CDC25A: variants seen among roughly 807,000 people sequenced by gnomAD.
The protein encoded by CDC25A is M-phase inducer phosphatase 1.
Under a neutral mutation model 64.6 loss-of-function variants are expected in CDC25A, and 17 were observed. The observed-to-expected ratio is 0.26, with a 90% CI of 0.18 to 0.39. CDC25A has a LOEUF of 0.39. Ranked by LOEUF, CDC25A falls within the 10% of genes least tolerant of loss-of-function variation. CDC25A has a pLI of 1.00. For synonymous variants in CDC25A, 229 were observed against 238.6 expected (o/e 0.96, Z 0.37); for missense variants, 473 against 654.8 (o/e 0.72, Z 3.03).
At chr3:48,168,589 T>C (rs929552423) in intron 9 of CDC25A, among the ~76,000 whole-genome samples, 1 of 150,194 alleles carries the variant, frequency 6.7e-6, no homozygotes, top group Admixed American at 6.7e-5. Context: ...GGGTTAAAAC[T>C]AGGATTAAGT....
chr3:48,172,541 T>C (rs1371838883), intron 9 of CDC25A, among the ~76,000 whole-genome samples: 6 of 152,130 alleles, frequency 3.9e-5, no homozygotes, highest in African/African-American at 7.2e-5. Context: ...CAAAGGACCA[T>C]AGGACTTAGG....
chr3:48,165,900 A>G lies in CDC25A; in HGVS notation c.1030-7T>C. 6.6e-7 allele frequency: 1 copy of G among 1,525,132 alleles called. No individual in the cohort carries two copies. The highest frequency in any genetic ancestry group is 1.4e-5 in the African/African-American group (1 of 73,144). The allele number at this position is 1,525,132 out of a possible 1,614,324, so 94.5% of individuals were successfully genotyped here. ...CTGTATGAAAGAGATAACCCTTAAA[A>G]AGAAAAAAAGATACTTAGAGAATCT... is the stretch of plus-strand genomic sequence containing the variant. On this transcript the variant is annotated splice_polypyrimidine_tract_variant and splice_region_variant and intron_variant, in intron 10 of 14. Coordinates refer to ENST00000302506, the MANE Select transcript of CDC25A (RefSeq NM_001789.3).
Position 48,174,325 on chromosome 3 carries a change from C to A in CDC25A, c.889G>T (p.Ala297Ser). 1 of 1,614,186 alleles carries A rather than the reference C, an allele frequency of 6.2e-7. No homozygotes were observed. Among genetic ancestry groups the A allele is most frequent in the African/African-American group, 1.3e-5 (1 of 75,048 alleles). ...STKRRKSMSG[A>S]SPKESTNPEK... is the part of the protein sequence containing the mutation. The stretch of plus-strand genomic sequence containing the variant: ...GGATTAGTTGACTCTTTGGGGCTGG[C>A]CCCAGACATGCTCTTCCTCCTCTTT... Residue 297 changes from alanine to serine, a missense_variant, in exon 9 of 15, where the codon GCC (alanine) becomes TCC (serine). Physicochemically the swap from Ala to Ser is moderately conservative, Grantham distance 99. Around this residue, in one of 2 missense-constraint regions of CDC25A, gnomAD observed 376 missense variants for 431.9 expected, o/e 0.87. Coordinates refer to ENST00000302506, the MANE Select transcript of CDC25A (RefSeq NM_001789.3).
Position 48,159,430 on chromosome 3 carries a change from G to C in CDC25A, c.1348C>G (p.Arg450Gly). 1 of 1,613,704 alleles carries C rather than the reference G, an allele frequency of 6.2e-7. No homozygotes were observed. Among genetic ancestry groups the C allele is most frequent in the Non-Finnish European group, 8.5e-7 (1 of 1,179,694 alleles). ...AGTTTGGGGTATTCATTACCCAGGC[G>C]ATCTCTCTCTCTCACATACCGGCAC... ...RMCRYVRERD[R>G]LGNEYPKLHY... Residue 450 changes from arginine (R) to glycine (G), a missense_variant, in exon 14 of 15, where the codon CGC (arginine) becomes GGC (glycine). This residue lies in a region of CDC25A where 97 missense variants were observed against 223.0 expected (regional missense o/e 0.43). Transcript: ENST00000302506.
At chr3:48,180,541 C>T (rs1291236197) in intron 6 of CDC25A, among the ~76,000 whole-genome samples, 180 bp downstream of exon 6, 2 of 152,166 alleles carry the variant, frequency 1.3e-5, no homozygotes, top group Non-Finnish European at 1.5e-5. Flanking sequence ...CTCTTACTAC[C>T]GCCTGTCTGT....
At chr3:48,186,806 A>AT in intron 1 of CDC25A, 27 bp from the exon 2 acceptor site, 1 of 1,452,378 alleles carries the variant, frequency 6.9e-7, no homozygotes, top group Non-Finnish European at 9.6e-7. Context: ...TAAACCATGA[A>AT]TGATTTATAG....
intron 10 of CDC25A, among the ~76,000 whole-genome samples, chr3:48,167,195 ATC>A (rs773096297): frequency 1.3e-5 from 2 of 152,230 alleles, no homozygotes; most frequent in Non-Finnish European, 2.9e-5. Flanking sequence ...AAGGAACTGT[ATC>A]TCATTTTGGA....
At chr3:48,170,347 C>T (rs1016025153) in intron 9 of CDC25A, among the ~76,000 whole-genome samples, 2 of 152,190 alleles carry the variant, frequency 1.3e-5, no homozygotes, top group African/African-American at 2.4e-5. Context: ...TTCTGATCTA[C>T]GACCACCAGC....
chr3:48,174,147 ACACC>A, intron 9 of CDC25A, 133 bp downstream of exon 9: 1 of 729,208 alleles, frequency 1.4e-6, no homozygotes. Flanking sequence ...AAACACACAC[ACACC>A]CACACACACA....
Position 48,187,366 on chromosome 3 carries a change from T to C in CDC25A, c.170+412A>G, listed in dbSNP as rs542983174. Among the ~76,000 whole-genome samples the C allele has an allele frequency of 6.6e-5, 10 of 152,320 alleles. No individual in the cohort carries two copies. The South Asian group carries it at 1.7e-3, about 25-fold the overall frequency. ...GGAAAGAAAATGCCATGGTCCTTTG[T>C]TGAGAAGGAACAAAGATCACAGCAA... On this transcript the variant is annotated intron_variant, in intron 1 of 14. Transcript: ENST00000302506.
chr3:48,168,809 C>T (rs1186241909), intron 9 of CDC25A, among the ~76,000 whole-genome samples: 1 of 151,718 alleles, frequency 6.6e-6, no homozygotes, highest in Non-Finnish European at 1.5e-5. Context: ...TGCGCCACCA[C>T]GCCCAGCTAA....
In CDC25A at chr3:48,159,002, C is replaced by T. The variant is rs369986624; in HGVS notation, c.1518G>A (p.Arg506=). 14 of 1,614,036 alleles carry T rather than the reference C, an allele frequency of 8.7e-6. No individual in the cohort carries two copies. The African/African-American group carries it at 1.5e-4, about 17-fold the overall frequency. ...EDLKKFRTKS[R]TWAGEKSKRE... ...TCTTGCTCTTCTCCCCTGCCCAGGT[C>T]CGGCTCTTGGTGCGGAACTTCTTCA... is the stretch of plus-strand genomic sequence containing the variant. The change falls in exon 15 of 15, where the codon CGG becomes CGA. Residue 506 remains arginine, a synonymous_variant. Coordinates refer to ENST00000302506, the MANE Select transcript of CDC25A (RefSeq NM_001789.3).
chr3:48,187,646 CCCGG>C (rs1437381412), intron 1 of CDC25A, 128 bp downstream of exon 1: 15 of 898,122 alleles, frequency 1.7e-5, no homozygotes, highest in Non-Finnish European at 2.4e-5. Flanking sequence ...CAGGCCCTAG[CCCGG>C]CTGTCCCCGA....
At chr3:48,179,099 A>C (rs1321689475) in intron 6 of CDC25A, among the ~76,000 whole-genome samples, 1 of 152,204 alleles carries the variant, frequency 6.6e-6, no homozygotes, top group East Asian at 1.9e-4. Context: ...TTCTGGCATT[A>C]GCTTTGCTTC....
At chr3:48,183,329 T>A (rs964944137) in intron 4 of CDC25A, among the ~76,000 whole-genome samples, 1 of 152,198 alleles carries the variant, frequency 6.6e-6, no homozygotes, top group African/African-American at 2.4e-5. Context: ...AAAAGAACCC[T>A]TCCTGGTTTA....
chr3:48,181,767 G>T, intron 5 of CDC25A: 2 of 604,502 alleles, frequency 3.3e-6, no homozygotes, highest in Non-Finnish European at 6.0e-6. Context: ...TTAAAGTTCT[G>T]AGAGAAATAA....
chr3:48,175,071 G>A (rs2032406611), intron 8 of CDC25A, among the ~76,000 whole-genome samples: 1 of 152,176 alleles, frequency 6.6e-6, no homozygotes, highest in Non-Finnish European at 1.5e-5. Flanking sequence ...AACACTGTGG[G>A]ATCACTTGAG....
At chr3:48,162,990 T>C (rs577693137) in intron 13 of CDC25A, among the ~76,000 whole-genome samples, 47 of 151,566 alleles carry the variant, frequency 3.1e-4, no homozygotes, top group South Asian at 2.5e-3. Flanking sequence ...ATCTCAAAAT[T>C]TGAAATTTCT....
intron 9 of CDC25A, among the ~76,000 whole-genome samples, chr3:48,173,027 A>T (rs1224342158): frequency 6.6e-6 from 1 of 151,984 alleles, no homozygotes; most frequent in Admixed American, 6.6e-5. Flanking sequence ...AGACCATCCT[A>T]GCTAACACTG....
Sources: gnomAD v4.1 joint callset for allele counts (sites outside exome capture counted in the v4.1 genomes callset) on GRCh38, gnomAD v4.1.1 for gene constraint, gnomAD v4.1.1 regional missense constraint, MANE v1.5 for transcripts, NCBI Gene and HGNC (gene_info 2026-07-23, HGNC 2026-07-21) for gene names.